The following HIVEP3 variants were observed in gnomAD, a reference collection of about 807,000 sequenced individuals.
The protein encoded by HIVEP3 is HIVEP zinc finger 3, also known as transcription factor HIVEP3.
A neutral mutation model predicts 152.8 loss-of-function variants in HIVEP3; 49 were observed. The observed-to-expected ratio is 0.32, with a 90% CI of 0.26 to 0.41. The LOEUF is 0.41. HIVEP3 is among the 10% of genes least tolerant of loss of function. HIVEP3 has a pLI of 1.00. For missense variants in HIVEP3, 2,790 were observed against 3,103.3 expected, an observed-to-expected ratio of 0.90 and a Z score of 2.40; for synonymous variants, 1,269 against 1,289.0, an observed-to-expected ratio of 0.98 and a Z score of 0.33.
chr1:41,527,054 A>ACACCCT (rs1558028811), intron 5 of HIVEP3, among the ~76,000 whole-genome samples: 1 of 50,600 alleles, frequency 2.0e-5, no homozygotes, highest in Non-Finnish European at 3.6e-5. Flanking sequence ...CCTCTTCCTC[A>ACACCCT]CACACACCCT....
intron 1 of HIVEP3, among the ~76,000 whole-genome samples, chr1:41,748,963 G>A (rs1570453228): frequency 6.6e-6 from 1 of 152,260 alleles, no homozygotes; most frequent in Non-Finnish European, 1.5e-5. Context: ...TGTGCCTTCC[G>A]CAAGCATCTG....
chr1:41,547,500 C>G lies in HIVEP3; in HGVS notation c.5208-22590G>C, dbSNP rs561382012. Reference sequence around the variant, plus strand: ...GGAGGGGATGGCAGGAGCAAAGGCACAGAGGCAGGGATGCTTGGGATCCAC... The same window carrying G: ...GGAGGGGATGGCAGGAGCAAAGGCAGAGAGGCAGGGATGCTTGGGATCCAC... On this transcript the variant is annotated intron_variant, in intron 5 of 8. Coordinates refer to ENST00000372583, the MANE Select transcript of HIVEP3 (RefSeq NM_024503.5). 2.7e-3 allele frequency among the ~76,000 whole-genome samples: 407 copies of G among 152,170 alleles called. 2 individuals carry two copies. The highest frequency in any genetic ancestry group is 3.9e-3 in the Non-Finnish European group (267 of 67,998).
rs1386916256 is a variant in HIVEP3, at chr1:41,507,322, G to A, written c.*3129C>T. On this transcript the variant is annotated 3_prime_UTR_variant, in exon 9 of 9. Transcript: ENST00000372583. ...AGCTGGCTGCTGTCGGGCTCCTGGA[G>A]GGTTGCAGGGGTTGAGCCCAGAGTG... 1.3e-5 allele frequency: 2 copies of A among 152,428 alleles called. No homozygotes were observed. The highest frequency in any genetic ancestry group is 4.8e-5 in the African/African-American group (2 of 41,584). 9.4% of individuals were successfully genotyped at this position (152,428 alleles called of 1,614,324 possible). A position where few individuals can be genotyped will look rare whatever the true frequency, so the allele number is the denominator to read the frequency against.
chr1:41,537,908 G>A lies in HIVEP3; in HGVS notation c.5208-12998C>T, dbSNP rs1377201962. Among the ~76,000 whole-genome samples the A allele has an allele frequency of 2.6e-5, 4 of 152,226 alleles. No individual in the cohort carries two copies. In the East Asian group the frequency reaches 7.7e-4, roughly 29 times the overall value. On this transcript the variant is annotated intron_variant, in intron 5 of 8. Transcript: ENST00000372583. Reference sequence around the variant, plus strand: ...TCTGTTCTAAACAGCGACGTGAGCTGCAAGCATGTGAATTTACTCAACAGT... The same window carrying A: ...TCTGTTCTAAACAGCGACGTGAGCTACAAGCATGTGAATTTACTCAACAGT...
intron 3 of HIVEP3, among the ~76,000 whole-genome samples, chr1:41,588,561 C>G (rs1169210875): frequency 6.6e-6 from 1 of 151,972 alleles, no homozygotes. Flanking sequence ...AGTCAGATGA[C>G]TGCTGCATCA....
intron 5 of HIVEP3, among the ~76,000 whole-genome samples, chr1:41,563,871 G>T (rs1337568316): frequency 6.6e-6 from 1 of 152,112 alleles, no homozygotes; most frequent in Non-Finnish European, 1.5e-5. Context: ...AACAAGAACA[G>T]GATGCCATTA....
intron 1 of HIVEP3, among the ~76,000 whole-genome samples, chr1:41,996,783 C>T (rs969282909): frequency 6.6e-6 from 1 of 152,204 alleles, no homozygotes; most frequent in East Asian, 1.9e-4. Context: ...ATGGATTTCA[C>T]TGGAATAAAA....
intron 1 of HIVEP3, among the ~76,000 whole-genome samples, chr1:41,760,564 G>A (rs375129641): frequency 1.1e-4 from 17 of 152,140 alleles, no homozygotes; most frequent in African/African-American, 4.1e-4. Flanking sequence ...CTTCTCTAGG[G>A]CCTATTATAC....
At chr1:41,849,799 T>A (rs1042074083) in intron 1 of HIVEP3, among the ~76,000 whole-genome samples, 5 of 151,930 alleles carry the variant, frequency 3.3e-5, no homozygotes, top group African/African-American at 4.8e-5. Flanking sequence ...CAAGCAATTC[T>A]CCTGCCTCAC....
chr1:41,954,919 T>C (rs895306682), intron 1 of HIVEP3, among the ~76,000 whole-genome samples: 1 of 152,012 alleles, frequency 6.6e-6, no homozygotes, highest in African/African-American at 2.4e-5. Flanking sequence ...CGGTAAATGA[T>C]ATCCATTGTT....
At chr1:41,512,455 G>A (rs2149046720) in intron 8 of HIVEP3, among the ~76,000 whole-genome samples, 1 of 152,284 alleles carries the variant, frequency 6.6e-6, no homozygotes, top group South Asian at 2.1e-4. Flanking sequence ...CACGCTTCCT[G>A]TACAGCCTGA....
chr1:41,575,153 T>G (rs1644307719), intron 5 of HIVEP3, among the ~76,000 whole-genome samples: 1 of 152,200 alleles, frequency 6.6e-6, no homozygotes, highest in Non-Finnish European at 1.5e-5. Context: ...AGATGGCCAT[T>G]GGGCAGTACA....
intron 3 of HIVEP3, among the ~76,000 whole-genome samples, chr1:41,622,101 T>C (rs1418496110): frequency 1.3e-5 from 2 of 152,172 alleles, no homozygotes; most frequent in Non-Finnish European, 2.9e-5. Flanking sequence ...TTGGGTTCAA[T>C]AACAAATGCT....
intron 1 of HIVEP3, among the ~76,000 whole-genome samples, chr1:41,993,406 T>C (rs1424824193): frequency 1.3e-5 from 2 of 149,730 alleles, no homozygotes; most frequent in South Asian, 2.1e-4. Context: ...AAAATGCTCA[T>C]CATCACTGGC....
At chr1:41,708,792 T>C (rs1646470770) in intron 1 of HIVEP3, among the ~76,000 whole-genome samples, 1 of 152,210 alleles carries the variant, frequency 6.6e-6, no homozygotes, top group South Asian at 2.1e-4. Context: ...GCACCAAAAC[T>C]GCAAACAAGA....
At chr1:41,546,087 T>C (rs1313940471) in intron 5 of HIVEP3, among the ~76,000 whole-genome samples, 2 of 152,228 alleles carry the variant, frequency 1.3e-5, no homozygotes, top group Admixed American at 6.5e-5. Flanking sequence ...CTTCTGTGCC[T>C]GGAGCATGTA....
At chr1:42,015,685 C>G (rs1453885099) in intron 1 of HIVEP3, among the ~76,000 whole-genome samples, 2 of 152,250 alleles carry the variant, frequency 1.3e-5, no homozygotes, top group Non-Finnish European at 2.9e-5. Flanking sequence ...AAGAACCAGA[C>G]TGTAGCAAAT....
At chr1:41,971,954 G>A (rs1350404873) in intron 1 of HIVEP3, among the ~76,000 whole-genome samples, 3 of 152,174 alleles carry the variant, frequency 2.0e-5, no homozygotes, top group Non-Finnish European at 4.4e-5. Context: ...GCAGCAACAT[G>A]TTGCCATCTT....
chr1:41,559,625 C>T (rs887997431), intron 5 of HIVEP3, among the ~76,000 whole-genome samples: 1 of 152,210 alleles, frequency 6.6e-6, no homozygotes, highest in Non-Finnish European at 1.5e-5. Context: ...AAGGATGGCA[C>T]ATGCTTTTGT....
Sources: gnomAD v4.1 joint callset for allele counts (sites outside exome capture counted in the v4.1 genomes callset) on GRCh38, gnomAD v4.1.1 for gene constraint, MANE v1.5 for transcripts, NCBI Gene and HGNC (gene_info 2026-07-23, HGNC 2026-07-21) for gene names.